SAMD13: variants seen among roughly 807,000 people sequenced by gnomAD.
SAMD13 encodes the protein sterile alpha motif domain containing 13, also known as sterile alpha motif domain-containing protein 13.
Under a neutral mutation model 12.4 loss-of-function variants are expected in SAMD13, and 9 were observed. The ratio of observed to expected loss-of-function variants is 0.72; its 90% CI spans 0.44 to 1.26. The LOEUF (loss-of-function observed/expected upper bound fraction) is 1.26, where lower values mean the gene tolerates loss of function less well. Among genes scored for constraint, SAMD13 ranks in the 50% most tolerant of loss-of-function variants. SAMD13 has a pLI of 0.00. For missense variants in SAMD13, 84 were observed against 119.6 expected, an observed-to-expected ratio of 0.70 and a Z score of 1.39; for synonymous variants, 46 against 45.4, an observed-to-expected ratio of 1.01 and a Z score of -0.05.
At chr1:84,323,763 G>GT in intron 2 of SAMD13, among the ~76,000 whole-genome samples, 1 of 152,006 alleles carries the variant, frequency 6.6e-6, no homozygotes, top group South Asian at 2.1e-4. Context: ...TAACCTGGAT[G>GT]TTTTCAACTT....
At chr1:84,299,596 C>A, upstream of SAMD13, 1 of 1,516,564 alleles carries the variant, frequency 6.6e-7, no homozygotes, top group South Asian at 1.3e-5. Flanking sequence ...ACACACACAA[C>A]TTTTTATCAG....
upstream of SAMD13, among the ~76,000 whole-genome samples, chr1:84,298,913 G>A (rs908799670): frequency 3.2e-4 from 48 of 152,146 alleles, 1 homozygote; most frequent in Middle Eastern, 6.8e-3. Flanking sequence ...CTTCCCCGGG[G>A]AGCCCCCACA....
At chr1:84,321,913 G>T (rs963980323) in intron 2 of SAMD13, among the ~76,000 whole-genome samples, 6 of 152,184 alleles carry the variant, frequency 3.9e-5, no homozygotes, top group South Asian at 2.1e-4. Context: ...ATCATCCATC[G>T]TGCATTAACA....
At chr1:84,339,883 A>C (rs1296534828) in intron 3 of SAMD13, among the ~76,000 whole-genome samples, 1 of 152,228 alleles carries the variant, frequency 6.6e-6, no homozygotes, top group East Asian at 1.9e-4. Flanking sequence ...ATTGAAATAA[A>C]TTGAGGAAAG....
intron 3 of SAMD13, among the ~76,000 whole-genome samples, chr1:84,331,114 T>C (rs1679169738): frequency 6.6e-6 from 1 of 151,922 alleles, no homozygotes. Context: ...AAATAAAATT[T>C]CTTATGGCTA....
chr1:84,335,876 A>G (rs1251981937), intron 3 of SAMD13, among the ~76,000 whole-genome samples: 1 of 152,170 alleles, frequency 6.6e-6, no homozygotes, highest in African/African-American at 2.4e-5. Flanking sequence ...GTAGGCCCCC[A>G]ATATCTTCTG....
At chr1:84,299,477 TCACCCCCACACACCACATACACACA>T (rs1678393550), upstream of SAMD13, 9 of 481,296 alleles carry the variant, frequency 1.9e-5, no homozygotes, top group South Asian at 8.7e-5. Flanking sequence ...CCTCTCCCCC[TCACCCCCACACACCACATACACACA>T]CACCCCCACA....
At chr1:84,308,903 A>G (rs1452912419) in intron 2 of SAMD13, among the ~76,000 whole-genome samples, 1 of 152,188 alleles carries the variant, frequency 6.6e-6, no homozygotes, top group Non-Finnish European at 1.5e-5. Context: ...TGACATTGCA[A>G]TGGCAAGTCT....
chr1:84,316,230 C>T (rs1286955658), intron 2 of SAMD13, among the ~76,000 whole-genome samples: 1 of 145,156 alleles, frequency 6.9e-6, no homozygotes, highest in African/African-American at 2.5e-5. Flanking sequence ...TTTATTTAGC[C>T]CTGCTTGTTT....
At chr1:84,339,051 A>G (rs1301994330) in intron 3 of SAMD13, among the ~76,000 whole-genome samples, 4 of 152,164 alleles carry the variant, frequency 2.6e-5, no homozygotes, top group Non-Finnish European at 4.4e-5. Flanking sequence ...CAGCTCCCAT[A>G]TATACCTTAG....
intron 3 of SAMD13, among the ~76,000 whole-genome samples, chr1:84,330,226 C>G (rs1172096014): frequency 6.6e-6 from 1 of 152,174 alleles, no homozygotes; most frequent in East Asian, 1.9e-4. Flanking sequence ...CTGAGTTAAA[C>G]AAACAGAATA....
chr1:84,317,824 G>A (rs1225120626), intron 2 of SAMD13, among the ~76,000 whole-genome samples: 1 of 151,888 alleles, frequency 6.6e-6, no homozygotes, highest in African/African-American at 2.4e-5. Context: ...CTAATCCTGG[G>A]CTTTTCTTGT....
chr1:84,313,359 A>T (rs1440064869), intron 2 of SAMD13, among the ~76,000 whole-genome samples: 1 of 152,132 alleles, frequency 6.6e-6, no homozygotes, highest in Non-Finnish European at 1.5e-5. Flanking sequence ...ACACACTCTT[A>T]TCATTGATCT....
intron 3 of SAMD13, among the ~76,000 whole-genome samples, chr1:84,331,180 A>G (rs1412448783): frequency 1.3e-5 from 2 of 152,052 alleles, no homozygotes; most frequent in Non-Finnish European, 2.9e-5. Flanking sequence ...TGGGGATGCC[A>G]ATCAGAGCAA....
At chr1:84,311,604 C>T (rs1365641720) in intron 2 of SAMD13, among the ~76,000 whole-genome samples, 1 of 152,132 alleles carries the variant, frequency 6.6e-6, no homozygotes, top group Non-Finnish European at 1.5e-5. Context: ...TAACACTTTT[C>T]AAGAGTCTGC....
At chr1:84,332,551 A>G (rs1679214397) in intron 3 of SAMD13, among the ~76,000 whole-genome samples, 1 of 152,038 alleles carries the variant, frequency 6.6e-6, no homozygotes, top group Non-Finnish European at 1.5e-5. Flanking sequence ...GTGTCTGTTC[A>G]TGTCCTTTGC....
intron 3 of SAMD13, among the ~76,000 whole-genome samples, chr1:84,345,424 G>A (rs1679514814): frequency 6.6e-6 from 1 of 152,178 alleles, no homozygotes. Flanking sequence ...ATTTCACAGA[G>A]GAGGGGAATG....
At chr1:84,339,955 C>G (rs1183751294) in intron 3 of SAMD13, among the ~76,000 whole-genome samples, 3 of 152,118 alleles carry the variant, frequency 2.0e-5, no homozygotes, top group African/African-American at 7.2e-5. Flanking sequence ...TACGGAGGAG[C>G]AAGGATGTGG....
intron 3 of SAMD13, among the ~76,000 whole-genome samples, chr1:84,328,993 T>C (rs988892930): frequency 5.9e-5 from 9 of 152,092 alleles, no homozygotes; most frequent in East Asian, 1.9e-4. Flanking sequence ...TTCATGGCTA[T>C]TATGAGCTGA....
Sources: gnomAD v4.1 joint callset for allele counts (sites outside exome capture counted in the v4.1 genomes callset) on GRCh38, gnomAD v4.1.1 for gene constraint, MANE v1.5 for transcripts, NCBI Gene and HGNC (gene_info 2026-07-23, HGNC 2026-07-21) for gene names.